Variants in PLXNC1 observed in about 807,000 individuals in gnomAD.
PLXNC1 encodes plexin-C1.
A neutral mutation model predicts 178.2 loss-of-function variants in PLXNC1; 75 were observed. That is an observed-to-expected ratio of 0.42 (90% confidence interval 0.35 to 0.51). The LOEUF (loss-of-function observed/expected upper bound fraction) is 0.51, where lower values mean the gene tolerates loss of function less well. PLXNC1 is among the 20% of genes least tolerant of loss of function. The pLI, the probability that PLXNC1 is intolerant of heterozygous loss-of-function variation, is 0.02. For synonymous variants in PLXNC1, 790 were observed against 779.9 expected, an observed-to-expected ratio of 1.01 and a Z score of -0.22; for missense variants, 1,503 against 1,984.4, an observed-to-expected ratio of 0.76 and a Z score of 4.61.
chr12:94,149,045 T>C lies in PLXNC1; in HGVS notation c.74T>C (p.Leu25Pro). Residue 25 changes from leucine (L) to proline (P), a missense_variant, in exon 1 of 31, where the codon CTG (leucine) becomes CCG (proline). This residue lies in a region of PLXNC1 where 176 missense variants were observed against 180.7 expected (regional missense o/e 0.97). Coordinates refer to ENST00000258526, the MANE Select transcript of PLXNC1 (RefSeq NM_005761.3). ...PAAPLPLLAY[L>P]LALAAPGRGA... ...GCGCCACTGCCCCTGCTCGCCTATC[T>C]GCTGGCACTGGCGGCTCCCGGCCGG... 1.3e-6 allele frequency: 2 copies of C among 1,526,580 alleles called. No individual in the cohort carries two copies. The highest frequency in any genetic ancestry group is 8.7e-7 in the Non-Finnish European group (1 of 1,144,644). 94.6% of individuals were successfully genotyped at this position (1,526,580 alleles called of 1,614,324 possible).
At chr12:94,296,557 A>G (rs535408072) in intron 24 of PLXNC1, among the ~76,000 whole-genome samples, 1 of 152,040 alleles carries the variant, frequency 6.6e-6, no homozygotes, top group South Asian at 2.1e-4. Flanking sequence ...ACTCTGCGCT[A>G]CTCTTGACTT....
intron 4 of PLXNC1, among the ~76,000 whole-genome samples, chr12:94,207,902 C>T (rs995107082): frequency 3.9e-5 from 6 of 152,168 alleles, no homozygotes; most frequent in Admixed American, 6.5e-5. Context: ...ATTTGTACTC[C>T]AGTCTCTTCG....
At chr12:94,262,510 G>T (rs1965020331) in intron 20 of PLXNC1, 1 of 985,360 alleles carries the variant, frequency 1.0e-6, no homozygotes, top group Non-Finnish European at 1.2e-6. Flanking sequence ...AGCATTCTGG[G>T]TCAAGACTTC....
intron 23 of PLXNC1, among the ~76,000 whole-genome samples, chr12:94,288,235 T>C (rs1966893758): frequency 6.6e-6 from 1 of 152,232 alleles, no homozygotes; most frequent in African/African-American, 2.4e-5. Context: ...TTTATCAAAA[T>C]GCTTCCCTAC....
chr12:94,186,728 G>A, intron 4 of PLXNC1: 1 of 396,272 alleles, frequency 2.5e-6, no homozygotes, highest in East Asian at 4.5e-5. Context: ...CAGGAGAACG[G>A]GAGAGAGCAG....
intron 4 of PLXNC1, among the ~76,000 whole-genome samples, chr12:94,197,733 A>G (rs1592755409): frequency 6.6e-6 from 1 of 152,136 alleles, no homozygotes; most frequent in Non-Finnish European, 1.5e-5. Context: ...TACTGGTTGT[A>G]CAAGTAATGG....
chr12:94,247,995 A>G lies in PLXNC1; in HGVS notation c.2481A>G (p.Arg827=). ...GCACGAATGTCACTGTGAAGCTGAGAGTACAAGACACCTACTTGGATTGTG... is the reference window on the plus strand; with the variant it reads ...GCACGAATGTCACTGTGAAGCTGAGGGTACAAGACACCTACTTGGATTGTG... ...KVRTNVTVKL[R]VQDTYLDCGT... The change falls in exon 13 of 31, where the codon AGA becomes AGG. Residue 827 remains arginine (R), a synonymous_variant. Coordinates refer to ENST00000258526, the MANE Select transcript of PLXNC1 (RefSeq NM_005761.3). The G allele has an allele frequency of 6.2e-7, 1 of 1,614,188 alleles. No homozygotes were observed. The highest frequency in any genetic ancestry group is 8.5e-7 in the Non-Finnish European group (1 of 1,179,992).
intron 14 of PLXNC1, among the ~76,000 whole-genome samples, chr12:94,248,844 A>C (rs536788807): frequency 2.0e-5 from 3 of 152,326 alleles, no homozygotes; most frequent in African/African-American, 4.8e-5. Flanking sequence ...GAGACCAGAT[A>C]ATCTCTGGGT....
At position 94,298,654 on chromosome 12, in the gene PLXNC1, A is replaced by G. The variant is rs773496033; in HGVS notation, c.4097A>G (p.Glu1366Gly). 1 of 1,600,166 alleles carries G rather than the reference A, an allele frequency of 6.2e-7. No individual in the cohort carries two copies. Among genetic ancestry groups the G allele is most frequent in the Admixed American group, 1.8e-5 (1 of 55,620 alleles). Reference sequence around the variant, plus strand: ...CAGGTGGCAATTCATTCTGTGCTTGAAAAACTTTTTAGAAGCATTTGGAGT... The same window carrying G: ...CAGGTGGCAATTCATTCTGTGCTTGGAAAACTTTTTAGAAGCATTTGGAGT... ...STKVAIHSVL[E>G]KLFRSIWSLP... Residue 1366 changes from glutamate (E) to glycine (G), a missense_variant, in exon 27 of 31, where the codon GAA (glutamate) becomes GGA (glycine). Coordinates refer to ENST00000258526, the MANE Select transcript of PLXNC1 (RefSeq NM_005761.3).
At chr12:94,158,072 T>C (rs1016716937) in intron 1 of PLXNC1, 2 of 152,200 alleles carry the variant, frequency 1.3e-5, no homozygotes, top group Non-Finnish European at 2.9e-5. Flanking sequence ...CCTGCTATTA[T>C]AGAAAGAATG....
intron 17 of PLXNC1, among the ~76,000 whole-genome samples, chr12:94,257,328 T>C (rs1291224300): frequency 6.6e-6 from 1 of 152,252 alleles, no homozygotes; most frequent in Non-Finnish European, 1.5e-5. Context: ...TTCTTTGCTC[T>C]GCCTGTCGGT....
Position 94,273,551 on chromosome 12 carries a change from G to C in PLXNC1, c.3598-5921G>C, listed in dbSNP as rs180755196. ...TTTCTCTGTTTGAAAACCCCCTGCC[G>C]ACCTAAAAGAGGTACCTCTCTAAAT... On this transcript the variant is annotated intron_variant, in intron 21 of 30. Coordinates refer to ENST00000258526, the MANE Select transcript of PLXNC1 (RefSeq NM_005761.3). Among the ~76,000 whole-genome samples, 31 of 152,100 alleles carry C rather than the reference G, an allele frequency of 2.0e-4. No homozygotes were observed. In the East Asian group the frequency reaches 6.0e-3, roughly 29 times the overall value.
chr12:94,219,370 T>C (rs945627719), intron 5 of PLXNC1, among the ~76,000 whole-genome samples: 2 of 152,214 alleles, frequency 1.3e-5, no homozygotes, highest in African/African-American at 4.8e-5. Flanking sequence ...TGTGACATAA[T>C]TGATTAACCA....
chr12:94,209,814 G>T, intron 5 of PLXNC1, 110 bp downstream of exon 5: 1 of 681,038 alleles, frequency 1.5e-6, no homozygotes, highest in Non-Finnish European at 2.6e-6. Context: ...CATGCTTAGT[G>T]ATAGCACTCC....
chr12:94,284,087 GAAAAAAA>G (rs796439911), intron 23 of PLXNC1, among the ~76,000 whole-genome samples: 4 of 82,696 alleles, frequency 4.8e-5, no homozygotes, highest in Non-Finnish European at 7.5e-5. Flanking sequence ...CATGTCAGGG[GAAAAAAA>G]AAAAAAAAAA....
At position 94,244,037 on chromosome 12, in the gene PLXNC1, G is replaced by T; in HGVS notation, c.2388+12G>T. 1.4e-6 allele frequency: 2 copies of T among 1,443,816 alleles called. No individual in the cohort carries two copies. The highest frequency in any genetic ancestry group is 9.7e-7 in the Non-Finnish European group (1 of 1,028,114). The allele number at this position is 1,443,816 out of a possible 1,614,324, so 89.4% of individuals were successfully genotyped here. A position where few individuals can be genotyped will look rare whatever the true frequency, so the allele number is the denominator to read the frequency against. On this transcript the variant is annotated intron_variant, in intron 12 of 30. Coordinates refer to ENST00000258526, the MANE Select transcript of PLXNC1 (RefSeq NM_005761.3). ...AAGGAAACATAAATGTAAGTCTCCA[G>T]CTGCTTTGTAATAATAGTTGTTTTC...
chr12:94,257,423 G>C (rs1565834381), intron 17 of PLXNC1, among the ~76,000 whole-genome samples: 1 of 152,194 alleles, frequency 6.6e-6, no homozygotes, highest in Non-Finnish European at 1.5e-5. Context: ...GTAGGCAGAG[G>C]ATCTAAGCTG....
rs200619004 is a variant in PLXNC1 at position 94,149,750 on chromosome 12, G to C, written c.779G>C (p.Gly260Ala). ...AACTACACGAGCGGCGCTGCCACCG[G>C]CTGGCCCAGCATGGCGCGCATCGCG... ...PYNYTSGAATGWPSMARIAQS... is the reference protein window; with the variant it reads ...PYNYTSGAATAWPSMARIAQS... The change falls in exon 1 of 31, where the codon GGC (glycine) becomes GCC (alanine). Residue 260 changes from glycine (G) to alanine (A), a missense_variant. Around this residue, in one of 4 missense-constraint regions of PLXNC1, gnomAD observed 615 missense variants for 698.6 expected, o/e 0.88. Transcript: ENST00000258526. The C allele has an allele frequency of 1.3e-3, 2,044 of 1,610,180 alleles. 3 individuals carry two copies. Among genetic ancestry groups the C allele is most frequent in the Non-Finnish European group, 1.6e-3 (1,917 of 1,179,316 alleles).
At position 94,306,406 on chromosome 12, in the gene PLXNC1, T is replaced by C. The variant is rs1307124678; in HGVS notation, c.*1121T>C. 1 of 152,230 alleles carries C rather than the reference T, an allele frequency of 6.6e-6. No individual in the cohort carries two copies. Among genetic ancestry groups the C allele is most frequent in the Non-Finnish European group, 1.5e-5 (1 of 68,040 alleles). 9.4% of individuals were successfully genotyped at this position (152,230 alleles called of 1,614,324 possible). ...CAGGAGAAAGAATTTAAAATACCCA[T>C]TTTATTCATGCCTTTCTTTTTAAAG... On this transcript the variant is annotated 3_prime_UTR_variant, in exon 31 of 31. Coordinates refer to ENST00000258526, the MANE Select transcript of PLXNC1 (RefSeq NM_005761.3).
Sources: allele counts gnomAD v4.1 joint callset (sites outside exome capture counted in the v4.1 genomes callset), GRCh38; gene constraint gnomAD v4.1.1; regional missense constraint gnomAD v4.1.1; transcripts MANE v1.5; gene names NCBI Gene and HGNC (gene_info 2026-07-23, HGNC 2026-07-21).